The following MYBL1 variants were observed in gnomAD, a reference collection of about 807,000 sequenced individuals.
The protein encoded by MYBL1 is myb-related protein A.
MYBL1 carries 17 observed loss-of-function variants against 96.3 expected under a neutral mutation model. The observed-to-expected ratio is 0.18, with a 90% CI of 0.12 to 0.26. MYBL1 has a LOEUF of 0.26. MYBL1 is among the 10% of genes least tolerant of loss of function. The pLI is 1.00. For synonymous variants in MYBL1, 282 were observed against 292.7 expected (o/e 0.96, Z 0.37); for missense variants, 701 against 882.9 (o/e 0.79, Z 2.61).
In MYBL1 at chr8:66,563,389, T is replaced by C. The variant is rs1808391119; in HGVS notation, c.*1308A>G. On this transcript the variant is annotated 3_prime_UTR_variant, in exon 16 of 16. Transcript: ENST00000522677. ...ATTATATGACTGAAAAAAAATTACA[T>C]ATAATCTCTACCACAAAAGCAAATA... is the stretch of plus-strand genomic sequence containing the variant. 1 of 152,540 alleles carries C rather than the reference T, an allele frequency of 6.6e-6. No individual in the cohort carries two copies. Among genetic ancestry groups the C allele is most frequent in the African/African-American group, 2.4e-5 (1 of 41,414 alleles). 9.4% of individuals were successfully genotyped at this position (152,540 alleles called of 1,614,324 possible). A position where few individuals can be genotyped will look rare whatever the true frequency, so the allele number is the denominator to read the frequency against.
rs542539145 is a variant in MYBL1, at chr8:66,605,713, G to A, written c.21-3190C>T. Among the ~76,000 whole-genome samples, 16 of 152,286 alleles carry A rather than the reference G, an allele frequency of 1.1e-4. No individual in the cohort carries two copies. In the South Asian group the frequency reaches 3.1e-3, roughly 30 times the overall value. On this transcript the variant is annotated intron_variant, in intron 1 of 15. Coordinates refer to ENST00000522677, the MANE Select transcript of MYBL1 (RefSeq NM_001080416.4). The stretch of plus-strand genomic sequence containing the variant: ...TGCCTGTAATGCCAGCTACTCGGGA[G>A]GCTGAGGCAGGAGAATCACTTGAAC...
intron 1 of MYBL1, among the ~76,000 whole-genome samples, chr8:66,607,262 G>T (rs902900083): frequency 6.6e-6 from 1 of 152,074 alleles, no homozygotes; most frequent in Non-Finnish European, 1.5e-5. Flanking sequence ...AGGGTCCAAT[G>T]ACTTCATAAA....
intron 9 of MYBL1, among the ~76,000 whole-genome samples, chr8:66,578,640 A>G (rs917848053): frequency 6.6e-6 from 1 of 152,220 alleles, no homozygotes; most frequent in Non-Finnish European, 1.5e-5. Context: ...GTGGGACTGT[A>G]AACTAGTTCA....
At position 66,608,237 on chromosome 8, in the gene MYBL1, T is replaced by C. The variant is rs756055448; in HGVS notation, c.20+4582A>G. On this transcript the variant is annotated intron_variant, in intron 1 of 15. Transcript: ENST00000522677. ...CTTTATTGTGAGAAATTTCTATTTCTACATGAGGTTTCATTCTCTATTTTG... is the reference window on the plus strand; with the variant it reads ...CTTTATTGTGAGAAATTTCTATTTCCACATGAGGTTTCATTCTCTATTTTG... Among the ~76,000 whole-genome samples, 12 of 152,200 alleles carry C rather than the reference T, an allele frequency of 7.9e-5. 1 individual carries two copies. The highest frequency in any genetic ancestry group is 1.5e-4 in the Non-Finnish European group (10 of 68,004).
chr8:66,573,618 A>T, intron 10 of MYBL1, 112 bp from the exon 11 acceptor site: 1 of 951,120 alleles, frequency 1.1e-6, no homozygotes. Flanking sequence ...AAAAAAGCTT[A>T]TGAATAATAT....
chr8:66,572,509 C>G lies in MYBL1; in HGVS notation c.1701G>C (p.Glu567Asp), dbSNP rs747462223. 1 of 1,594,946 alleles carries G rather than the reference C, an allele frequency of 6.3e-7. No individual in the cohort carries two copies. The highest frequency in any genetic ancestry group is 1.1e-5 in the South Asian group (1 of 88,422). ...CAATTTTAAGAGGTCCATATTTTTT[C>G]TCCTGAGCAGCAAGCGCATTCTTAA... is the stretch of plus-strand genomic sequence containing the variant. Reference protein sequence around the residue: ...TPFKNALAAQEKKYGPLKIVS... With the variant: ...TPFKNALAAQDKKYGPLKIVS... The change falls in exon 12 of 16, where the codon GAG (glutamate) becomes GAC (aspartate). Residue 567 changes from glutamate (E) to aspartate (D), a missense_variant. This residue lies in a region of MYBL1 where 63 missense variants were observed against 109.2 expected (regional missense o/e 0.58). Transcript: ENST00000522677.
intron 10 of MYBL1, 113 bp downstream of exon 10, chr8:66,575,894 A>G: frequency 9.1e-7 from 1 of 1,096,250 alleles, no homozygotes; most frequent in East Asian, 2.6e-5. Flanking sequence ...ATACATTTAA[A>G]CACATTATTT....
chr8:66,595,053 T>C (rs1809796672), intron 6 of MYBL1, among the ~76,000 whole-genome samples: 1 of 152,096 alleles, frequency 6.6e-6, no homozygotes, highest in South Asian at 2.1e-4. Context: ...GCTTGCCCCA[T>C]TTTGAGCTCG....
rs1809596693 is a variant in MYBL1, at chr8:66,590,567, G to A, written c.867+1873C>T. 2.7e-5 allele frequency among the ~76,000 whole-genome samples: 4 copies of A among 150,494 alleles called. No homozygotes were observed. In the South Asian group the frequency reaches 8.4e-4, roughly 32 times the overall value. On this transcript the variant is annotated intron_variant, in intron 8 of 15. Transcript: ENST00000522677. ...AACCCAGGAGCCTTCTGGGTAGTTA[G>A]GACCACAGGTGTGCACCACCACACT... is the stretch of plus-strand genomic sequence containing the variant.
chr8:66,576,705 G>C (rs190003838), intron 9 of MYBL1, among the ~76,000 whole-genome samples: 3 of 152,258 alleles, frequency 2.0e-5, no homozygotes, highest in Admixed American at 2.0e-4. Flanking sequence ...TGCACATCAG[G>C]AAGACACCAT....
chr8:66,582,158 A>C (rs1809236735), intron 8 of MYBL1, among the ~76,000 whole-genome samples: 1 of 152,194 alleles, frequency 6.6e-6, no homozygotes, highest in Non-Finnish European at 1.5e-5. Context: ...AAAATAATTA[A>C]CAAAATGAAA....
intron 8 of MYBL1, among the ~76,000 whole-genome samples, chr8:66,583,970 A>T (rs921417676): frequency 6.6e-6 from 1 of 152,204 alleles, no homozygotes; most frequent in Non-Finnish European, 1.5e-5. Context: ...CAAGGTCAAC[A>T]TTACCCTGAT....
At position 66,601,732 on chromosome 8, in the gene MYBL1, G is replaced by T; in HGVS notation, c.164C>A (p.Thr55Asn). The change falls in exon 3 of 16, where the codon ACT becomes AAT. Residue 55 changes from threonine to asparagine, a missense_variant. Thr to Asn is a moderately conservative substitution (Grantham distance 65). This residue lies in a region of MYBL1 where 68 missense variants were observed against 93.8 expected (regional missense o/e 0.72). Transcript: ENST00000522677. ...ACTAGCAATTAGAGTCCAATCATCA[G>T]TTCCATGTTGTTCAACCAACTTCTT... ...KLKKLVEQHG[T>N]DDWTLIASHL... The T allele has an allele frequency of 6.5e-7, 1 of 1,527,500 alleles. No individual in the cohort carries two copies. 94.6% of individuals were successfully genotyped at this position (1,527,500 alleles called of 1,614,324 possible).
At chr8:66,593,427 T>G (rs1323173118) in intron 6 of MYBL1, among the ~76,000 whole-genome samples, 2 of 152,224 alleles carry the variant, frequency 1.3e-5, no homozygotes, top group Non-Finnish European at 2.9e-5. Context: ...TTTTTTCAGA[T>G]GAAATATGAG....
chr8:66,596,056 G>T (rs1418065481), intron 5 of MYBL1, among the ~76,000 whole-genome samples: 3 of 152,122 alleles, frequency 2.0e-5, no homozygotes, highest in African/African-American at 7.2e-5. Flanking sequence ...GTGGGAGTGG[G>T]AAGGAAGGAA....
chr8:66,609,977 T>A (rs570969752), intron 1 of MYBL1, among the ~76,000 whole-genome samples: 17 of 152,112 alleles, frequency 1.1e-4, no homozygotes, highest in Non-Finnish European at 2.2e-4. Flanking sequence ...CACACACATA[T>A]ACATAACACT....
chr8:66,598,976 T>C (rs1586592161), intron 4 of MYBL1, 74 bp downstream of exon 4: 6 of 952,970 alleles, frequency 6.3e-6, no homozygotes, highest in African/African-American at 5.1e-5. Flanking sequence ...GTACTTCATA[T>C]GTCAAAACAA....
chr8:66,595,369 G>A (rs1809808406), intron 6 of MYBL1, among the ~76,000 whole-genome samples: 1 of 152,066 alleles, frequency 6.6e-6, no homozygotes, highest in African/African-American at 2.4e-5. Flanking sequence ...ATTAGGAAAT[G>A]TACATAGTTT....
chr8:66,596,290 G>A (rs1323987825), intron 5 of MYBL1, among the ~76,000 whole-genome samples: 1 of 152,108 alleles, frequency 6.6e-6, no homozygotes, highest in African/African-American at 2.4e-5. Flanking sequence ...AAGAATCCCA[G>A]TATTCTTTTT....
Sources: allele counts gnomAD v4.1 joint callset (sites outside exome capture counted in the v4.1 genomes callset), GRCh38; gene constraint gnomAD v4.1.1; regional missense constraint gnomAD v4.1.1; transcripts MANE v1.5; gene names NCBI Gene and HGNC (gene_info 2026-07-23, HGNC 2026-07-21).